Variants in STS observed in about 807,000 individuals in gnomAD.
STS encodes steroid sulfatase.
In STS, 7 loss-of-function variants were observed where a neutral mutation model predicts 26.8. The ratio of observed to expected loss-of-function variants is 0.26; its 90% confidence interval spans 0.15 to 0.49. The LOEUF (loss-of-function observed/expected upper bound fraction) is 0.49, where lower values mean the gene tolerates loss of function less well. Among genes scored for constraint, STS ranks in the 20% least tolerant of loss-of-function variants. The probability of loss-of-function intolerance (pLI) is 0.98; values close to 1 mark genes in which losing one functional copy is unlikely to be tolerated. For missense variants in STS, 434 were observed against 465.6 expected, an observed-to-expected ratio of 0.93 and a Z score of 0.63; for synonymous variants, 199 against 189.4, an observed-to-expected ratio of 1.05 and a Z score of -0.42.
intron 7 of STS, among the ~76,000 whole-genome samples, chrX:7,285,365 A>T (rs1293509985): frequency 4.5e-5 from 5 of 112,161 alleles, no homozygotes; most frequent in Non-Finnish European, 9.4e-5. Flanking sequence ...GATATACAGG[A>T]TAATTGAGAA....
chrX:7,324,265 A>T (rs1927251267), intron 8 of STS, among the ~76,000 whole-genome samples: 1 of 110,894 alleles, frequency 9.0e-6, no homozygotes, highest in Non-Finnish European at 1.9e-5. Context: ...TGCAGTCAAT[A>T]GAAGGGAGTG....
intron 2 of STS, among the ~76,000 whole-genome samples, chrX:7,212,445 C>G (rs1036280838): frequency 1.8e-5 from 2 of 111,108 alleles, no homozygotes; most frequent in Admixed American, 1.9e-4. Flanking sequence ...GCACTCCAGC[C>G]TGGGAGACAC....
At chrX:7,169,468 G>A (rs139851142) in intron 1 of STS, among the ~76,000 whole-genome samples, 40 of 111,925 alleles carry the variant, frequency 3.6e-4, no homozygotes, top group Non-Finnish European at 5.8e-4. Context: ...TCACCTTTTC[G>A]CTATTGTGAA....
intron 9 of STS, among the ~76,000 whole-genome samples, chrX:7,327,870 A>G (rs1337450193): frequency 3.6e-5 from 4 of 112,319 alleles, no homozygotes; most frequent in African/African-American, 9.7e-5. Flanking sequence ...TGTTTTGCCT[A>G]TCATTTTGAG....
At chrX:7,300,902 C>T (rs1285532715) in intron 7 of STS, among the ~76,000 whole-genome samples, 1 of 111,255 alleles carries the variant, frequency 9.0e-6, no homozygotes, top group Non-Finnish European at 1.9e-5. Flanking sequence ...TTGAGAGAAT[C>T]TGCATAATAA....
At chrX:7,162,070 A>G (rs1278461993) in intron 1 of STS, among the ~76,000 whole-genome samples, 2 of 112,246 alleles carry the variant, frequency 1.8e-5, no homozygotes, top group Non-Finnish European at 3.8e-5. Context: ...TGAATAAAAT[A>G]AGCATTAAGA....
chrX:7,295,620 C>G (rs191638997), intron 7 of STS, among the ~76,000 whole-genome samples: 3 of 110,675 alleles, frequency 2.7e-5, no homozygotes, highest in Non-Finnish European at 5.7e-5. Flanking sequence ...TAAGGTATCT[C>G]TGGTAGGACC....
At chrX:7,345,258 A>G (rs145625354) in intron 10 of STS, among the ~76,000 whole-genome samples, 61 of 111,784 alleles carry the variant, frequency 5.5e-4, no homozygotes, top group African/African-American at 2.0e-3. Context: ...GGCCTGGAAA[A>G]TATTGCCCAG....
At chrX:7,242,270 A>G (rs1456805113) in intron 2 of STS, among the ~76,000 whole-genome samples, 5 of 110,659 alleles carry the variant, frequency 4.5e-5, no homozygotes, top group African/African-American at 1.6e-4. Flanking sequence ...TCTACATAAC[A>G]TTTTATTATT....
intron 2 of STS, among the ~76,000 whole-genome samples, chrX:7,206,969 G>T (rs1458757212): frequency 2.7e-5 from 3 of 112,084 alleles, no homozygotes; most frequent in African/African-American, 9.7e-5. Context: ...CAGCACTTTG[G>T]GAGGCCAAGG....
At chrX:7,200,622 A>T (rs761172035) in intron 2 of STS, among the ~76,000 whole-genome samples, 1 of 111,570 alleles carries the variant, frequency 9.0e-6, no homozygotes, top group East Asian at 2.8e-4. Flanking sequence ...GTGTTCAGTG[A>T]CGGGAAGGAG....
At chrX:7,316,262 T>TACTCC (rs1926709874) in intron 8 of STS, among the ~76,000 whole-genome samples, 1 of 112,321 alleles carries the variant, frequency 8.9e-6, no homozygotes, top group Admixed American at 9.5e-5. Flanking sequence ...AAGGATTTAA[T>TACTCC]ATTATGGAGT....
rs533353880 is a variant in STS, at chrX:7,158,947, A to G, written c.-134+10864A>G. ...GAGTCGTATTTATTCATGTTAAAATACTTTTCAGGTTTCAGCATGCCCAAA... is the reference window on the plus strand; with the variant it reads ...GAGTCGTATTTATTCATGTTAAAATGCTTTTCAGGTTTCAGCATGCCCAAA... On this transcript the variant is annotated intron_variant, in intron 1 of 10. Transcript: ENST00000674429. 6.9e-4 allele frequency among the ~76,000 whole-genome samples: 77 copies of G among 111,659 alleles called. 3 individuals carry two copies. In the South Asian group the frequency reaches 0.028, roughly 41 times the overall value.
At chrX:7,279,262 C>T (rs1363255181) in intron 7 of STS, among the ~76,000 whole-genome samples, 3 of 96,013 alleles carry the variant, frequency 3.1e-5, no homozygotes, top group Non-Finnish European at 6.0e-5. Flanking sequence ...CGAGATCGCA[C>T]CACTGTACTC....
intron 7 of STS, among the ~76,000 whole-genome samples, chrX:7,290,555 G>T: frequency 8.9e-6 from 1 of 111,924 alleles, no homozygotes; most frequent in Non-Finnish European, 1.9e-5. Context: ...CACAAAATCA[G>T]CAGATTGCAG....
At chrX:7,207,968 AG>A (rs1920962145) in intron 2 of STS, among the ~76,000 whole-genome samples, 1 of 112,159 alleles carries the variant, frequency 8.9e-6, no homozygotes, top group South Asian at 3.7e-4. Context: ...ATGGTTTCCC[AG>A]CCTCCTGGTT....
chrX:7,324,645 G>T (rs887793932), intron 8 of STS, among the ~76,000 whole-genome samples: 1 of 111,421 alleles, frequency 9.0e-6, no homozygotes, highest in Non-Finnish European at 1.9e-5. Flanking sequence ...GCTAATGCTG[G>T]TCAGTTGTAC....
chrX:7,194,416 A>G (rs749312887), intron 2 of STS, among the ~76,000 whole-genome samples: 6 of 111,888 alleles, frequency 5.4e-5, no homozygotes, highest in African/African-American at 1.9e-4. Flanking sequence ...ACCACCAGCT[A>G]CATGACTCCT....
At chrX:7,323,542 A>G (rs1431151786) in intron 8 of STS, among the ~76,000 whole-genome samples, 1 of 111,789 alleles carries the variant, frequency 8.9e-6, no homozygotes, top group Non-Finnish European at 1.9e-5. Context: ...TGTTGCTACA[A>G]AGGACAATAT....
Sources: allele counts gnomAD v4.1 joint callset (sites outside exome capture counted in the v4.1 genomes callset), GRCh38; gene constraint gnomAD v4.1.1; transcripts MANE v1.5; gene names NCBI Gene and HGNC (gene_info 2026-07-23, HGNC 2026-07-21).